The following LARGE1 variants were observed in gnomAD, a reference collection of about 807,000 sequenced individuals.
LARGE1 encodes the protein LARGE xylosyl- and glucuronyltransferase 1, also known as xylosyl- and glucuronyltransferase LARGE1.
A neutral mutation model predicts 87.6 loss-of-function variants in LARGE1; 43 were observed. The observed-to-expected ratio is 0.49, with a 90% confidence interval of 0.38 to 0.63. The LOEUF (loss-of-function observed/expected upper bound fraction) is 0.63, where lower values mean the gene tolerates loss of function less well. Ranked by LOEUF, LARGE1 falls within the 30% of genes least tolerant of loss-of-function variation. The probability of loss-of-function intolerance (pLI) is 0.00; values close to 1 mark genes in which losing one functional copy is unlikely to be tolerated. For synonymous variants in LARGE1, 434 were observed against 394.6 expected (o/e 1.10, Z -1.18); for missense variants, 802 against 1,000.2 (o/e 0.80, Z 2.67).
chr22:33,561,493 T>C (rs972298442), intron 6 of LARGE1, among the ~76,000 whole-genome samples: 3 of 152,208 alleles, frequency 2.0e-5, no homozygotes, highest in Admixed American at 1.3e-4. Flanking sequence ...ACCATACCCA[T>C]GTCCAGCTCC....
intron 9 of LARGE1, among the ~76,000 whole-genome samples, chr22:33,339,237 T>G (rs1326972035): frequency 6.6e-6 from 1 of 150,718 alleles, no homozygotes; most frequent in Admixed American, 6.6e-5. Flanking sequence ...ATGCTTGTGC[T>G]GGAGCTTGAG....
intron 2 of LARGE1, among the ~76,000 whole-genome samples, chr22:33,716,774 A>T (rs1303599939): frequency 6.6e-6 from 1 of 152,210 alleles, no homozygotes; most frequent in African/African-American, 2.4e-5. Context: ...AGAGTGTGTT[A>T]GTAAATGTTT....
At chr22:33,217,136 A>G (rs1311778304) in intron 11 of LARGE1, among the ~76,000 whole-genome samples, 1 of 152,144 alleles carries the variant, frequency 6.6e-6, no homozygotes, top group African/African-American at 2.4e-5. Flanking sequence ...CATGTACACA[A>G]TATTCATAGC....
chr22:33,877,714 C>T (rs886404282), intron 1 of LARGE1, among the ~76,000 whole-genome samples: 2 of 151,816 alleles, frequency 1.3e-5, no homozygotes, highest in Non-Finnish European at 2.9e-5. Context: ...CTTGAGGTCA[C>T]GAGTTCGAGA....
At chr22:33,586,747 G>A (rs1256721971) in intron 5 of LARGE1, among the ~76,000 whole-genome samples, 3 of 152,166 alleles carry the variant, frequency 2.0e-5, no homozygotes, top group African/African-American at 4.8e-5. Flanking sequence ...GTGAGCCACC[G>A]CGCCCAGCTG....
chr22:33,845,351 C>T (rs900910092), intron 1 of LARGE1, among the ~76,000 whole-genome samples: 1 of 152,090 alleles, frequency 6.6e-6, no homozygotes, highest in Non-Finnish European at 1.5e-5. Flanking sequence ...TCTTGTTGCC[C>T]AGGCTGGAGT....
chr22:33,844,642 A>C (rs113728058), intron 1 of LARGE1, among the ~76,000 whole-genome samples: 6 of 152,006 alleles, frequency 3.9e-5, no homozygotes, highest in African/African-American at 1.4e-4. Flanking sequence ...CGACTTGCCT[A>C]CCGTGCGAAC....
chr22:33,669,971 T>C (rs1160573359), intron 2 of LARGE1, among the ~76,000 whole-genome samples: 1 of 152,134 alleles, frequency 6.6e-6, no homozygotes, highest in Non-Finnish European at 1.5e-5. Flanking sequence ...GGGAGTGCCG[T>C]TGTGTGTAAC....
intron 1 of LARGE1, among the ~76,000 whole-genome samples, chr22:33,792,978 C>A (rs1337243123): frequency 6.6e-6 from 1 of 152,148 alleles, no homozygotes; most frequent in African/African-American, 2.4e-5. Context: ...CTTTAATATC[C>A]ACAAACAGCT....
intron 2 of LARGE1, among the ~76,000 whole-genome samples, chr22:33,717,151 T>G (rs1242244693): frequency 6.6e-6 from 1 of 152,172 alleles, no homozygotes; most frequent in Non-Finnish European, 1.5e-5. Context: ...CTTTCCTCCC[T>G]CCATCTCCTT....
intron 2 of LARGE1, among the ~76,000 whole-genome samples, chr22:33,760,676 CT>C (rs2084695591): frequency 6.6e-6 from 1 of 152,166 alleles, no homozygotes; most frequent in Non-Finnish European, 1.5e-5. Flanking sequence ...AATCCCAGCA[CT>C]TTTGGAGGCC....
At chr22:33,872,505 TCAC>T (rs2064326423) in intron 1 of LARGE1, among the ~76,000 whole-genome samples, 2 of 151,954 alleles carry the variant, frequency 1.3e-5, no homozygotes, top group South Asian at 4.2e-4. Context: ...ATCCCCATCA[TCAC>T]CACCAACACC....
chr22:33,848,593 G>A (rs1008784542), intron 1 of LARGE1, among the ~76,000 whole-genome samples: 4 of 151,998 alleles, frequency 2.6e-5, no homozygotes, highest in South Asian at 2.1e-4. Context: ...CTGAAGCCGC[G>A]TTGTGCCAAA....
At chr22:33,322,701 A>G (rs1936865714) in intron 10 of LARGE1, 1 of 152,232 alleles carries the variant, frequency 6.6e-6, no homozygotes, top group South Asian at 2.1e-4. Context: ...TCCAGCTCTG[A>G]ACTTCATGGT....
intron 3 of LARGE1, among the ~76,000 whole-genome samples, chr22:33,633,928 G>T (rs998023442): frequency 3.9e-5 from 6 of 152,164 alleles, no homozygotes; most frequent in Admixed American, 6.5e-5. Flanking sequence ...GAGAGACCTC[G>T]ATTGGAGCCA....
chr22:33,486,818 C>T lies in LARGE1; in HGVS notation c.788-54553G>A, dbSNP rs151142634. The stretch of plus-strand genomic sequence containing the variant: ...GAGAGGGGACCTGCATGAGTGTCTC[C>T]GGCTCTCATCCCCCAAACTTGGCTT... On this transcript the variant is annotated intron_variant, in intron 6 of 14. Coordinates refer to ENST00000397394, the MANE Select transcript of LARGE1 (RefSeq NM_133642.5). Among the ~76,000 whole-genome samples the T allele has an allele frequency of 2.6e-3, 394 of 152,238 alleles. 1 individual carries two copies. Among genetic ancestry groups the T allele is most frequent in the Non-Finnish European group, 4.2e-3 (285 of 68,022 alleles).
chr22:33,682,217 G>A (rs2081796252), intron 2 of LARGE1, among the ~76,000 whole-genome samples: 1 of 152,152 alleles, frequency 6.6e-6, no homozygotes, highest in East Asian at 1.9e-4. Context: ...AGTTCATGCA[G>A]GCTCTCCCTA....
intron 1 of LARGE1, among the ~76,000 whole-genome samples, chr22:33,881,345 C>T (rs1404145289): frequency 6.6e-6 from 1 of 152,244 alleles, no homozygotes; most frequent in Non-Finnish European, 1.5e-5. Flanking sequence ...AAGTCACCTC[C>T]AGCTCTCCAA....
At chr22:33,819,462 C>T (rs2086754977) in intron 1 of LARGE1, among the ~76,000 whole-genome samples, 2 of 152,052 alleles carry the variant, frequency 1.3e-5, no homozygotes, top group Non-Finnish European at 2.9e-5. Flanking sequence ...AGGGCAACTC[C>T]AGCAGGCCTG....
Sources: gnomAD v4.1 joint callset for allele counts (sites outside exome capture counted in the v4.1 genomes callset) on GRCh38, gnomAD v4.1.1 for gene constraint, MANE v1.5 for transcripts, NCBI Gene and HGNC (gene_info 2026-07-23, HGNC 2026-07-21) for gene names.